The following SNX31 variants were observed in gnomAD, a reference collection of about 807,000 sequenced individuals.
SNX31 encodes sorting nexin 31.
A neutral mutation model predicts 65.4 loss-of-function variants in SNX31; 58 were observed. That is an observed-to-expected ratio of 0.89 (90% CI 0.72 to 1.10). SNX31 has a LOEUF of 1.10. Ranked by LOEUF, SNX31 falls within the 50% of genes least tolerant of loss-of-function variation. SNX31 has a pLI of 0.00. For missense variants in SNX31, 523 were observed against 529.7 expected (o/e 0.99, Z 0.12); for synonymous variants, 181 against 190.1 (o/e 0.95, Z 0.39).
At chr8:100,645,606 ATTTTTTTTT>A (rs10598981) in intron 2 of SNX31, among the ~76,000 whole-genome samples, 1 of 106,726 alleles carries the variant, frequency 9.4e-6, no homozygotes, top group Non-Finnish European at 1.8e-5. Context: ...CAGACTCTTC[ATTTTTTTTT>A]TTTTTTTTTT....
chr8:100,586,285 C>T (rs1814041004), intron 11 of SNX31, among the ~76,000 whole-genome samples: 1 of 152,222 alleles, frequency 6.6e-6, no homozygotes, highest in Non-Finnish European at 1.5e-5. Context: ...TTTGTATTTG[C>T]AAAGCACACA....
chr8:100,644,427 G>A (rs529758421), intron 2 of SNX31, among the ~76,000 whole-genome samples: 9 of 152,214 alleles, frequency 5.9e-5, no homozygotes, highest in African/African-American at 2.2e-4. Flanking sequence ...GGTGGTGCCA[G>A]CAAGAGCAGG....
intron 4 of SNX31, among the ~76,000 whole-genome samples, chr8:100,619,511 C>A (rs1029551472): frequency 6.6e-6 from 1 of 152,140 alleles, no homozygotes; most frequent in Non-Finnish European, 1.5e-5. Context: ...CATTGTTAGG[C>A]CATCAGAGTT....
At position 100,629,988 on chromosome 8, in the gene SNX31, C is replaced by G. The variant is rs139918943; in HGVS notation, c.321+339G>C. Among the ~76,000 whole-genome samples, 7 of 152,164 alleles carry G rather than the reference C, an allele frequency of 4.6e-5. No individual in the cohort carries two copies. Among genetic ancestry groups the G allele is most frequent in the Non-Finnish European group, 8.8e-5 (6 of 68,034 alleles). ...AGGGTCACAGACATGTTATGGGAAC[C>G]CTTAATGATAAAGGCTGTAGTTCTT... On this transcript the variant is annotated intron_variant, in intron 4 of 13. Coordinates refer to ENST00000311812, the MANE Select transcript of SNX31 (RefSeq NM_152628.4). This position sits in a 1 kb window ranked among gnomAD's most constrained non-coding sequence, Gnocchi z 5.1.
intron 8 of SNX31, among the ~76,000 whole-genome samples, chr8:100,607,020 G>A (rs927720125): frequency 6.6e-6 from 1 of 152,178 alleles, no homozygotes; most frequent in Non-Finnish European, 1.5e-5. Flanking sequence ...CCAGTAGGGA[G>A]AGAGTAAACA....
At chr8:100,641,648 ATATATATATATG>A (rs1337678021) in intron 2 of SNX31, among the ~76,000 whole-genome samples, 3 of 51,558 alleles carry the variant, frequency 5.8e-5, no homozygotes, top group African/African-American at 3.0e-4. Context: ...ATATATATAT[ATATATATATATG>A]TATGGTACTT....
intron 2 of SNX31, among the ~76,000 whole-genome samples, chr8:100,637,978 G>C (rs951293157): frequency 1.3e-5 from 2 of 152,176 alleles, no homozygotes; most frequent in African/African-American, 4.8e-5. Context: ...TTACAGGTGT[G>C]AGCCACTGCA....
At chr8:100,628,285 A>G (rs1327449330) in intron 4 of SNX31, among the ~76,000 whole-genome samples, 2 of 152,154 alleles carry the variant, frequency 1.3e-5, no homozygotes, top group African/African-American at 4.8e-5. Flanking sequence ...AAAGACACAC[A>G]CACACATATG....
At chr8:100,580,430 T>C (rs1813395367) in intron 12 of SNX31, among the ~76,000 whole-genome samples, 1 of 152,186 alleles carries the variant, frequency 6.6e-6, no homozygotes, top group South Asian at 2.1e-4. Flanking sequence ...CCAGTTTTAT[T>C]TGAATAGACA....
chr8:100,630,873 C>G lies in SNX31; in HGVS notation c.257-482G>C, dbSNP rs934818037. Among the ~76,000 whole-genome samples, 1 of 152,110 alleles carries G rather than the reference C, an allele frequency of 6.6e-6. No homozygotes were observed. ...CGTGAGCTCGGCTCACTGCAATGTC[C>G]GTCTCCTGGGTTAAGACGATTCTCT... is the stretch of plus-strand genomic sequence containing the variant. On this transcript the variant is annotated intron_variant, in intron 3 of 13. Coordinates refer to ENST00000311812, the MANE Select transcript of SNX31 (RefSeq NM_152628.4). The surrounding 1 kb of genome is among the most constrained non-coding windows in gnomAD (Gnocchi z 5.3).
upstream of SNX31, among the ~76,000 whole-genome samples, chr8:100,663,583 A>G (rs1315684290): frequency 1.3e-5 from 2 of 152,124 alleles, no homozygotes; most frequent in Non-Finnish European, 2.9e-5. Context: ...TATAAAGAAG[A>G]TTTTGTTTCT....
At chr8:100,627,866 C>A (rs1430652918) in intron 4 of SNX31, among the ~76,000 whole-genome samples, 4 of 151,540 alleles carry the variant, frequency 2.6e-5, no homozygotes, top group Non-Finnish European at 5.9e-5. Context: ...TATCCAGAAT[C>A]TACAATGAAC....
intron 8 of SNX31, among the ~76,000 whole-genome samples, chr8:100,602,060 C>A (rs1053465602): frequency 8.5e-5 from 13 of 152,216 alleles, no homozygotes; most frequent in Non-Finnish European, 1.6e-4. Flanking sequence ...GCAGAATTGG[C>A]CATTGTCCCT....
chr8:100,581,337 C>CTATATATATATA (rs57664831), intron 12 of SNX31, among the ~76,000 whole-genome samples: 7 of 125,440 alleles, frequency 5.6e-5, no homozygotes, highest in African/African-American at 2.2e-4. Context: ...ATCTATCTAT[C>CTATATATATATA]TATATATATA....
At chr8:100,620,407 A>C (rs1046310646) in intron 4 of SNX31, among the ~76,000 whole-genome samples, 5 of 152,134 alleles carry the variant, frequency 3.3e-5, no homozygotes, top group African/African-American at 1.2e-4. Flanking sequence ...CAACAGGCTT[A>C]TTTTTCGTCA....
At chr8:100,657,464 AAG>A (rs1425366493) in intron 1 of SNX31, among the ~76,000 whole-genome samples, 61 of 151,620 alleles carry the variant, frequency 4.0e-4, no homozygotes, top group Admixed American at 1.4e-3. Flanking sequence ...AAAAAAAAAA[AAG>A]AAAAAAGAAA....
At chr8:100,597,973 C>T (rs1815267518) in intron 9 of SNX31, among the ~76,000 whole-genome samples, 1 of 152,202 alleles carries the variant, frequency 6.6e-6, no homozygotes, top group African/African-American at 2.4e-5. Context: ...ACAGAGTTCC[C>T]ACTTTAGCAC....
At position 100,617,748 on chromosome 8, in the gene SNX31, G is replaced by T; in HGVS notation, c.322-18C>A. Reference sequence around the variant, plus strand: ...AATGTATTCTATAAGCAAAAGAAAAGCAAAATAAATTTCCACACCTTTTTT... The same window carrying T: ...AATGTATTCTATAAGCAAAAGAAAATCAAAATAAATTTCCACACCTTTTTT... On this transcript the variant is annotated intron_variant, in intron 4 of 13. Transcript: ENST00000311812. 2.0e-6 allele frequency: 3 copies of T among 1,527,050 alleles called. No individual in the cohort carries two copies. Among genetic ancestry groups the T allele is most frequent in the East Asian group, 2.3e-5 (1 of 44,232 alleles). The allele number at this position is 1,527,050 out of a possible 1,614,324, so 94.6% of individuals were successfully genotyped here.
chr8:100,597,712 C>T (rs960330839), intron 9 of SNX31, among the ~76,000 whole-genome samples: 24 of 152,292 alleles, frequency 1.6e-4, no homozygotes, highest in African/African-American at 5.1e-4. Context: ...TCCAGAGATT[C>T]CCCCAGTTGC....
Sources: allele counts gnomAD v4.1 joint callset (sites outside exome capture counted in the v4.1 genomes callset), GRCh38; gene constraint gnomAD v4.1.1; non-coding constraint Gnocchi (gnomAD v3.1); transcripts MANE v1.5; gene names NCBI Gene and HGNC (gene_info 2026-07-23, HGNC 2026-07-21).